The following VPS35L variants were observed in gnomAD, a reference collection of about 807,000 sequenced individuals.
VPS35L encodes the protein VPS35 endosomal protein-sorting factor-like.
In VPS35L, 83 loss-of-function variants were observed where a neutral mutation model predicts 133.0. That is an observed-to-expected ratio of 0.62 (90% CI 0.52 to 0.75). VPS35L has a LOEUF of 0.75. VPS35L is among the 30% of genes least tolerant of loss of function. VPS35L has a pLI of 0.00. For synonymous variants in VPS35L, 423 were observed against 449.9 expected, an observed-to-expected ratio of 0.94 and a Z score of 0.76; for missense variants, 1,083 against 1,206.8, an observed-to-expected ratio of 0.90 and a Z score of 1.52.
chr16:19,686,675 G>A (rs1167574928), intron 28 of VPS35L, among the ~76,000 whole-genome samples: 2 of 152,116 alleles, frequency 1.3e-5, no homozygotes, highest in African/African-American at 2.4e-5. Context: ...GTCTGGACTT[G>A]AAGGCCCCCA....
intron 17 of VPS35L, 45 bp from the exon 18 acceptor site, chr16:19,629,722 A>T (rs1443517741): frequency 1.3e-6 from 2 of 1,563,176 alleles, no homozygotes; most frequent in Non-Finnish European, 8.8e-7. Flanking sequence ...TGTAATGCAT[A>T]CTATGTTGTA....
At chr16:19,559,013 T>C (rs968309355) in intron 1 of VPS35L, among the ~76,000 whole-genome samples, 3 of 151,620 alleles carry the variant, frequency 2.0e-5, no homozygotes, top group African/African-American at 7.3e-5. Context: ...GGCTGGGTAA[T>C]ATTGTGATTG....
intron 2 of VPS35L, 22 bp downstream of exon 2, chr16:19,564,972 T>C (rs1434923133): frequency 6.6e-7 from 1 of 1,517,344 alleles, no homozygotes; most frequent in Non-Finnish European, 9.1e-7. Context: ...TAAGGGTCTT[T>C]CTGAATGATA....
chr16:19,682,212 G>C lies in VPS35L; in HGVS notation c.2362-13G>C. On this transcript the variant is annotated splice_polypyrimidine_tract_variant and intron_variant, in intron 27 of 30. Coordinates refer to ENST00000417362, the MANE Select transcript of VPS35L (RefSeq NM_020314.7). Reference sequence around the variant, plus strand: ...CTTTGGGATTATTTATCCTTTTTTCGGTTCTCTGCTAGGATCATCCTGAAC... The same window carrying C: ...CTTTGGGATTATTTATCCTTTTTTCCGTTCTCTGCTAGGATCATCCTGAAC... The C allele has an allele frequency of 1.3e-6, 2 of 1,592,780 alleles. No individual in the cohort carries two copies. Among genetic ancestry groups the C allele is most frequent in the Non-Finnish European group, 1.7e-6 (2 of 1,169,924 alleles).
At chr16:19,578,188 G>A in intron 5 of VPS35L, 1 of 435,670 alleles carries the variant, frequency 2.3e-6, no homozygotes, top group Non-Finnish European at 4.5e-6. Context: ...TTGAGTAGTT[G>A]GAGCAGACAC....
chr16:19,641,248 A>G (rs1458681028), intron 21 of VPS35L, among the ~76,000 whole-genome samples: 1 of 150,734 alleles, frequency 6.6e-6, no homozygotes, highest in African/African-American at 2.4e-5. Context: ...TGTATTTTTT[A>G]TAGAGACAGG....
intron 24 of VPS35L, 50 bp downstream of exon 24, chr16:19,647,932 C>A: frequency 2.2e-6 from 3 of 1,383,790 alleles, no homozygotes; most frequent in Non-Finnish European, 3.1e-6. Context: ...ATTTATTGAT[C>A]ATCTACATCC....
intron 14 of VPS35L, among the ~76,000 whole-genome samples, chr16:19,618,965 C>T (rs1160817706): frequency 6.7e-6 from 1 of 149,290 alleles, no homozygotes; most frequent in Admixed American, 6.7e-5. Context: ...GAGTCTCACT[C>T]TGTCTCCCAG....
chr16:19,556,455 TG>T (rs1305518409), intron 1 of VPS35L, among the ~76,000 whole-genome samples: 1 of 152,060 alleles, frequency 6.6e-6, no homozygotes, highest in Non-Finnish European at 1.5e-5. Flanking sequence ...AGGTCCCTTG[TG>T]GTTGGAGTAG....
chr16:19,573,310 T>C, intron 4 of VPS35L, 69 bp downstream of exon 4: 1 of 1,507,762 alleles, frequency 6.6e-7, no homozygotes, highest in East Asian at 2.3e-5. Flanking sequence ...GTTATGTTGC[T>C]TCAACTCCTG....
chr16:19,681,541 C>T (rs1405778390), intron 27 of VPS35L, among the ~76,000 whole-genome samples: 1 of 152,222 alleles, frequency 6.6e-6, no homozygotes, highest in African/African-American at 2.4e-5. Flanking sequence ...GGAGAGCTTT[C>T]AGCAGGGCAT....
At chr16:19,606,121 C>A (rs182406235) in intron 9 of VPS35L, among the ~76,000 whole-genome samples, 1 of 152,312 alleles carries the variant, frequency 6.6e-6, no homozygotes, top group East Asian at 1.9e-4. Flanking sequence ...GTAGTCAATG[C>A]GTGTATGCAA....
intron 14 of VPS35L, among the ~76,000 whole-genome samples, chr16:19,625,762 C>T (rs1174311725): frequency 6.6e-6 from 1 of 152,122 alleles, no homozygotes; most frequent in African/African-American, 2.4e-5. Flanking sequence ...CAGCCTCCAC[C>T]TCCTGGGTTC....
intron 8 of VPS35L, among the ~76,000 whole-genome samples, chr16:19,593,789 C>T (rs1972115518): frequency 6.6e-6 from 1 of 152,042 alleles, no homozygotes; most frequent in Non-Finnish European, 1.5e-5. Flanking sequence ...TTGTGGTGCA[C>T]ACCTGTAGTC....
chr16:19,617,090 T>C (rs982865370), intron 14 of VPS35L: 30 of 603,396 alleles, frequency 5.0e-5, no homozygotes, highest in Non-Finnish European at 8.9e-5. Context: ...CTGGGTGTGC[T>C]CATATCTGTA....
intron 3 of VPS35L, among the ~76,000 whole-genome samples, chr16:19,571,847 CT>C (rs35851684): frequency 3.5e-3 from 498 of 144,170 alleles, no homozygotes; most frequent in Middle Eastern, 0.011. Context: ...GCCCAGCCAA[CT>C]TTTTTTTTTT....
chr16:19,572,216 G>T (rs537298679), intron 3 of VPS35L, among the ~76,000 whole-genome samples: 1 of 152,066 alleles, frequency 6.6e-6, no homozygotes, highest in East Asian at 1.9e-4. Context: ...TCAGGAATTC[G>T]AGACCAGCCG....
At chr16:19,603,599 A>G (rs906473981) in intron 9 of VPS35L, among the ~76,000 whole-genome samples, 5 of 152,120 alleles carry the variant, frequency 3.3e-5, no homozygotes, top group Admixed American at 2.6e-4. Context: ...ATGTTTTTTC[A>G]GCAGCTCCTC....
At chr16:19,644,164 T>A (rs1323386732) in intron 22 of VPS35L, among the ~76,000 whole-genome samples, 4 of 152,196 alleles carry the variant, frequency 2.6e-5, no homozygotes, top group Non-Finnish European at 5.9e-5. Context: ...ACTATCCAAG[T>A]ATAATCAAAA....
Sources: gnomAD v4.1 joint callset for allele counts (sites outside exome capture counted in the v4.1 genomes callset) on GRCh38, gnomAD v4.1.1 for gene constraint, MANE v1.5 for transcripts, NCBI Gene and HGNC (gene_info 2026-07-23, HGNC 2026-07-21) for gene names.